Variants in ZNF43 observed in about 807,000 individuals in gnomAD.
The protein encoded by ZNF43 is zinc finger protein 39-like 1 (KOX 27).
ZNF43 carries 44 observed loss-of-function variants against 68.4 expected under a neutral mutation model. The ratio of observed to expected loss-of-function variants is 0.64; its 90% CI spans 0.51 to 0.83. The LOEUF is 0.83. Ranked by LOEUF, ZNF43 falls within the 40% of genes least tolerant of loss-of-function variation. ZNF43 has a pLI of 0.00. For synonymous variants in ZNF43, 308 were observed against 307.8 expected (o/e 1.00, Z -0.01); for missense variants, 896 against 933.2 (o/e 0.96, Z 0.52).
At position 21,808,993 on chromosome 19, in the gene ZNF43, G is replaced by A. The variant is rs775800833; in HGVS notation, c.1044C>T (p.Gly348=). The A allele has an allele frequency of 5.0e-5, 80 of 1,613,404 alleles. No homozygotes were observed. The highest frequency in any genetic ancestry group is 3.6e-4 in the East Asian group (16 of 44,842). The change falls in exon 4 of 4, where the codon GGC becomes GGT. Residue 348 remains glycine, a synonymous_variant. Coordinates refer to ENST00000354959, the MANE Select transcript of ZNF43 (RefSeq NM_003423.4). ...GGTTTGAGAACTGGTTAAAGGCTTT[G>A]CCACATTCTTCACATGTGTAGGGTT... is the stretch of plus-strand genomic sequence containing the variant. ...GEKPYTCEEC[G]KAFNQFSNLT...
upstream of ZNF43, chr19:21,840,219 G>C (rs939441847): frequency 5.9e-5 from 9 of 152,232 alleles, no homozygotes; most frequent in Admixed American, 5.9e-4. Context: ...GGGCAGTGCT[G>C]AGGCAAAAGT....
At chr19:21,823,042 A>T (rs1338743337) in intron 1 of ZNF43, among the ~76,000 whole-genome samples, 1 of 152,234 alleles carries the variant, frequency 6.6e-6, no homozygotes, top group Non-Finnish European at 1.5e-5. Flanking sequence ...GCAAGGTAAG[A>T]TGAATAGAAA....
At chr19:21,816,913 CAG>C (rs1327891465) in intron 3 of ZNF43, among the ~76,000 whole-genome samples, 2 of 152,128 alleles carry the variant, frequency 1.3e-5, no homozygotes, top group Non-Finnish European at 2.9e-5. Flanking sequence ...GACCCTAGTG[CAG>C]ACTCAGCAGC....
At chr19:21,810,504 A>C (rs2037224419) in intron 3 of ZNF43, among the ~76,000 whole-genome samples, 1 of 152,228 alleles carries the variant, frequency 6.6e-6, no homozygotes, top group South Asian at 2.1e-4. Context: ...CTGCAGCATG[A>C]GGTTTGGAAA....
rs1429790305 is a variant in ZNF43 at position 21,807,841 on chromosome 19, T to C, written c.2196A>G (p.Gln732=). Residue 732 remains glutamine, a synonymous_variant, in exon 4 of 4, where the codon CAA becomes CAG. Transcript: ENST00000354959. The stretch of plus-strand genomic sequence containing the variant: ...TGCCACATTCTTCACATTTGTAGGG[T>C]TGCTCTCCAGTATGAATTTTCTTAT... ...IEHKKIHTGE[Q]PYKCEECGKA... 1.2e-6 allele frequency: 2 copies of C among 1,613,284 alleles called. No individual in the cohort carries two copies. Among genetic ancestry groups the C allele is most frequent in the African/African-American group, 2.7e-5 (2 of 74,916 alleles).
intron 3 of ZNF43, among the ~76,000 whole-genome samples, chr19:21,812,331 G>A (rs774406830): frequency 3.3e-4 from 50 of 151,944 alleles, no homozygotes; most frequent in African/African-American, 1.1e-3. Flanking sequence ...TTTAACCATG[G>A]TCTCGATCTC....
At chr19:21,823,610 C>T (rs1422461957) in intron 1 of ZNF43, among the ~76,000 whole-genome samples, 3 of 118,404 alleles carry the variant, frequency 2.5e-5, no homozygotes, top group Non-Finnish European at 3.3e-5. Context: ...GATGGAGTTT[C>T]GCTCTTGTTG....
At chr19:21,848,441 C>T (rs901369533) in intron 1 of ZNF43, among the ~76,000 whole-genome samples, 12 of 152,156 alleles carry the variant, frequency 7.9e-5, no homozygotes, top group Non-Finnish European at 1.6e-4. Flanking sequence ...CCACCATGCC[C>T]GGCCATATGT....
rs551295148 is a variant in ZNF43, at chr19:21,846,359, A to G, written c.30+5546T>C. On this transcript the variant is annotated intron_variant, in intron 1 of 3. Transcript: ENST00000357491. ...ATGACCACCTGAACAGGGACCAAGC[A>G]TAAGAATCACATCACCTGTGTGCTG... 2.6e-5 allele frequency among the ~76,000 whole-genome samples: 4 copies of G among 152,350 alleles called. No homozygotes were observed. In the South Asian group the frequency reaches 8.3e-4, roughly 32 times the overall value.
chr19:21,839,464 GATATGTTACAGTCCAAACTGTGAACAC>G (rs1319519779), upstream of ZNF43: 1 of 151,532 alleles, frequency 6.6e-6, no homozygotes, highest in East Asian at 1.9e-4. Context: ...TTGACTAAGC[GATATGTTACAGTCCAAACTGTGAACAC>G]ATCCCAGGAA....
chr19:21,841,689 C>T (rs1459868332), intron 1 of ZNF43: 2 of 152,182 alleles, frequency 1.3e-5, no homozygotes, highest in African/African-American at 4.8e-5. Flanking sequence ...TCATAATACC[C>T]ACAATACAAG....
In ZNF43 at chr19:21,809,052, G is replaced by A; in HGVS notation, c.985C>T (p.Leu329Phe). 6.2e-7 allele frequency: 1 copy of A among 1,609,880 alleles called. No individual in the cohort carries two copies. The highest frequency in any genetic ancestry group is 8.5e-7 in the Non-Finnish European group (1 of 1,178,674). Residue 329 changes from leucine to phenylalanine, a missense_variant, in exon 4 of 4, where the codon CTT becomes TTT. Leu to Phe is a conservative substitution (Grantham distance 22, BLOSUM62 0). Transcript: ENST00000354959. ...GTATGAATTCTCTTATGTTTAGTAA[G>A]AGTTGAGGGCCAGTTAAAGGCTTTG... The part of the protein sequence containing the change: ...CGKAFNWPST[L>F]TKHKRIHTGE...
At chr19:21,833,449 T>C (rs1373423598) in intron 1 of ZNF43, among the ~76,000 whole-genome samples, 4 of 151,786 alleles carry the variant, frequency 2.6e-5, no homozygotes, top group Non-Finnish European at 4.4e-5. Flanking sequence ...TTTGTATTTT[T>C]AGTTGAGACG....
At chr19:21,814,272 G>A (rs554554245) in intron 3 of ZNF43, among the ~76,000 whole-genome samples, 1 of 151,958 alleles carries the variant, frequency 6.6e-6, no homozygotes, top group South Asian at 2.1e-4. Context: ...TACTAACTTA[G>A]AGAAGACAAA....
In ZNF43 at chr19:21,817,995, A is replaced by G. The variant is rs201478516; in HGVS notation, c.131-9T>C. On this transcript the variant is annotated splice_polypyrimidine_tract_variant and intron_variant, in intron 2 of 3. Transcript: ENST00000354959. ...CTTAGAGACAGCAATACCTGTTTCA[A>G]TAAAAAATAAATTACGTGAATCTTG... 2.5e-6 allele frequency: 4 copies of G among 1,607,838 alleles called. No homozygotes were observed. Among genetic ancestry groups the G allele is most frequent in the East Asian group, 4.5e-5 (2 of 44,802 alleles).
chr19:21,829,076 G>A (rs1022236473), intron 1 of ZNF43, among the ~76,000 whole-genome samples: 20 of 140,534 alleles, frequency 1.4e-4, no homozygotes, highest in Non-Finnish European at 2.4e-4. Context: ...TTAGCCGGAC[G>A]TGGTGGCACG....
chr19:21,851,798 G>C, intron 1 of ZNF43: 1 of 1,248,784 alleles, frequency 8.0e-7, no homozygotes, highest in Non-Finnish European at 1.1e-6. Context: ...GGCCTGGGGC[G>C]GAGCTGCGCC....
Position 21,809,609 on chromosome 19 carries a change from C to A in ZNF43, c.428G>T (p.Ser143Ile). The A allele has an allele frequency of 6.2e-7, 1 of 1,611,708 alleles. No homozygotes were observed. Among genetic ancestry groups the A allele is most frequent in the Non-Finnish European group, 8.5e-7 (1 of 1,179,084 alleles). ...GFNQCLPATQSKIFLFDKCVK... is the reference protein window; with the variant it reads ...GFNQCLPATQIKIFLFDKCVK... ...ACATTTATCAAATAGAAATATTTTGCTCTGGGTAGCTGGCAAACATTGGTT... is the reference window on the plus strand; with the variant it reads ...ACATTTATCAAATAGAAATATTTTGATCTGGGTAGCTGGCAAACATTGGTT... Residue 143 changes from serine (S) to isoleucine (I), a missense_variant, in exon 4 of 4, where the codon AGC becomes ATC. Transcript: ENST00000354959.
chr19:21,815,509 T>TATATATATATATATA (rs1568355560), intron 3 of ZNF43, among the ~76,000 whole-genome samples: 3 of 129,560 alleles, frequency 2.3e-5, no homozygotes, highest in African/African-American at 9.6e-5. Flanking sequence ...ATATATATAT[T>TATATATATATATATA]TTGCAGAATA....
Sources: gnomAD v4.1 joint callset for allele counts (sites outside exome capture counted in the v4.1 genomes callset) on GRCh38, gnomAD v4.1.1 for gene constraint, MANE v1.5 for transcripts, NCBI Gene and HGNC (gene_info 2026-07-23, HGNC 2026-07-21) for gene names.